The following FRMD4B variants were observed in gnomAD, a reference collection of about 807,000 sequenced individuals.
The protein encoded by FRMD4B is FERM domain containing 4B.
A neutral mutation model predicts 141.5 loss-of-function variants in FRMD4B; 74 were observed. That is an observed-to-expected ratio of 0.52 (90% CI 0.43 to 0.63). FRMD4B has a LOEUF of 0.63. Among genes scored for constraint, FRMD4B ranks in the 30% least tolerant of loss-of-function variants. FRMD4B has a pLI of 0.00. For synonymous variants in FRMD4B, 506 were observed against 467.9 expected (o/e 1.08, Z -1.05); for missense variants, 1,366 against 1,253.4 (o/e 1.09, Z -1.36).
intron 1 of FRMD4B, among the ~76,000 whole-genome samples, chr3:69,533,258 G>A (rs559672845): frequency 6.6e-6 from 1 of 152,314 alleles, no homozygotes; most frequent in South Asian, 2.1e-4. Context: ...GGAGAGAAAG[G>A]CAAGCTCTCA....
chr3:69,297,242 T>C (rs1325911591), intron 4 of FRMD4B, among the ~76,000 whole-genome samples: 1 of 152,158 alleles, frequency 6.6e-6, no homozygotes, highest in African/African-American at 2.4e-5. Flanking sequence ...CCAGGAGCGA[T>C]GAGAAGGCAG....
chr3:69,463,173 C>T (rs1246858355), intron 1 of FRMD4B, among the ~76,000 whole-genome samples: 1 of 152,230 alleles, frequency 6.6e-6, no homozygotes, highest in African/African-American at 2.4e-5. Context: ...TTTCCTTAGA[C>T]CCCTCACCAG....
chr3:69,231,974 G>A (rs141954748), intron 7 of FRMD4B, among the ~76,000 whole-genome samples: 2 of 152,180 alleles, frequency 1.3e-5, no homozygotes, highest in African/African-American at 4.8e-5. Context: ...TACGGAGCTT[G>A]TAGGAGCAGC....
chr3:69,411,369 A>AACC (rs1447857735), intron 2 of FRMD4B, among the ~76,000 whole-genome samples: 2 of 152,210 alleles, frequency 1.3e-5, no homozygotes, highest in African/African-American at 4.8e-5. Context: ...AAATACAATT[A>AACC]ACCACCCACA....
At chr3:69,367,017 T>C (rs996129851) in intron 1 of FRMD4B, among the ~76,000 whole-genome samples, 8 of 152,170 alleles carry the variant, frequency 5.3e-5, no homozygotes, top group Non-Finnish European at 1.2e-4. Context: ...TCCACCCATC[T>C]CAACCTCCCA....
intron 2 of FRMD4B, among the ~76,000 whole-genome samples, chr3:69,416,111 C>T (rs953341366): frequency 1.3e-5 from 2 of 152,300 alleles, no homozygotes. Flanking sequence ...AAATTTTGGG[C>T]CTGCCCTTAA....
chr3:69,498,747 C>G (rs1159988389), intron 1 of FRMD4B, among the ~76,000 whole-genome samples: 1 of 152,150 alleles, frequency 6.6e-6, no homozygotes, highest in Non-Finnish European at 1.5e-5. Context: ...CTGAGGCTTA[C>G]AAGTATTCAC....
At chr3:69,250,577 T>C (rs2093458328) in intron 5 of FRMD4B, among the ~76,000 whole-genome samples, 3 of 152,154 alleles carry the variant, frequency 2.0e-5, no homozygotes, top group Non-Finnish European at 2.9e-5. Flanking sequence ...ATAAATTCAC[T>C]TCTGTGTCAA....
chr3:69,209,090 G>A (rs6801597), intron 11 of FRMD4B, among the ~76,000 whole-genome samples: 19,801 of 150,920 alleles, frequency 0.13, 1,443 homozygotes, highest in East Asian at 0.35. Context: ...GTTGCAGTGA[G>A]CCAAGATCAC....
chr3:69,540,652 TATATATATAC>T (rs1167206646), intron 1 of FRMD4B, among the ~76,000 whole-genome samples: 123 of 81,978 alleles, frequency 1.5e-3, no homozygotes, highest in Non-Finnish European at 2.2e-3. Flanking sequence ...TATATATATA[TATATATATAC>T]ACACACACAC....
intron 5 of FRMD4B, among the ~76,000 whole-genome samples, chr3:69,287,103 G>A (rs899030990): frequency 1.3e-5 from 2 of 152,138 alleles, no homozygotes; most frequent in Admixed American, 6.6e-5. Flanking sequence ...ATGCTCGGCC[G>A]TAAAAACGTT....
At chr3:69,184,068 A>T (rs2092739380) in intron 19 of FRMD4B, among the ~76,000 whole-genome samples, 1 of 151,222 alleles carries the variant, frequency 6.6e-6, no homozygotes, top group African/African-American at 2.4e-5. Flanking sequence ...GCTAATGTTT[A>T]TTTTTTTTAT....
chr3:69,526,311 G>A (rs1032782311), intron 1 of FRMD4B, among the ~76,000 whole-genome samples: 1 of 152,188 alleles, frequency 6.6e-6, no homozygotes, highest in Non-Finnish European at 1.5e-5. Context: ...AGCTCTAATA[G>A]CTTACAGTGG....
intron 2 of FRMD4B, among the ~76,000 whole-genome samples, chr3:69,406,500 G>C (rs1704652303): frequency 6.6e-6 from 1 of 152,160 alleles, no homozygotes; most frequent in Non-Finnish European, 1.5e-5. Flanking sequence ...CATTTCCATT[G>C]TAAAATATTC....
chr3:69,390,074 G>T (rs1447295403), upstream of FRMD4B, among the ~76,000 whole-genome samples: 1 of 152,126 alleles, frequency 6.6e-6, no homozygotes, highest in Admixed American at 6.5e-5. Flanking sequence ...AAGAGAAATT[G>T]TCATTATGCC....
chr3:69,332,740 C>CTTTTTTT (rs1702409090), intron 1 of FRMD4B, among the ~76,000 whole-genome samples: 1 of 121,078 alleles, frequency 8.3e-6, no homozygotes, highest in Non-Finnish European at 1.6e-5. Context: ...CCACACCTGG[C>CTTTTTTT]TATTTTTTTT....
intron 1 of FRMD4B, among the ~76,000 whole-genome samples, chr3:69,508,655 G>A (rs1303043456): frequency 1.3e-5 from 2 of 152,090 alleles, no homozygotes; most frequent in Non-Finnish European, 2.9e-5. Context: ...AAGGATAAAA[G>A]GTAAGCAACC....
chr3:69,406,850 GCCT>G (rs773790569), intron 2 of FRMD4B, among the ~76,000 whole-genome samples: 6 of 151,736 alleles, frequency 4.0e-5, no homozygotes, highest in Non-Finnish European at 7.4e-5. Context: ...TCCTGCCTCA[GCCT>G]CCTAAGTAGC....
At chr3:69,445,082 C>T (rs529951878) in intron 1 of FRMD4B, among the ~76,000 whole-genome samples, 17 of 152,284 alleles carry the variant, frequency 1.1e-4, no homozygotes, top group East Asian at 9.6e-4. Context: ...CGAGCACTCC[C>T]GCTGCGGTCA....
Sources: gnomAD v4.1 joint callset for allele counts (sites outside exome capture counted in the v4.1 genomes callset) on GRCh38, gnomAD v4.1.1 for gene constraint, MANE v1.5 for transcripts, NCBI Gene and HGNC (gene_info 2026-07-23, HGNC 2026-07-21) for gene names.